Variants in FBXL17 observed in about 807,000 individuals in gnomAD.
FBXL17 encodes the protein F-box/LRR-repeat protein 17.
A neutral mutation model predicts 66.2 loss-of-function variants in FBXL17; 22 were observed. That is an observed-to-expected ratio of 0.33 (90% CI 0.24 to 0.47). The LOEUF (loss-of-function observed/expected upper bound fraction) is 0.47, where lower values mean the gene tolerates loss of function less well. Among genes scored for constraint, FBXL17 ranks in the 20% least tolerant of loss-of-function variants. The pLI, the probability that FBXL17 is intolerant of heterozygous loss-of-function variation, is 1.00. For missense variants in FBXL17, 878 were observed against 948.2 expected (o/e 0.93, Z 0.97); for synonymous variants, 474 against 400.5 (o/e 1.18, Z -2.19).
chr5:108,110,132 A>G (rs1431607331), intron 6 of FBXL17, among the ~76,000 whole-genome samples: 2 of 152,066 alleles, frequency 1.3e-5, no homozygotes, highest in African/African-American at 4.8e-5. Context: ...TGGCCAGCCA[A>G]GCAAAACTCT....
chr5:107,920,119 C>A (rs1489651714), intron 7 of FBXL17, among the ~76,000 whole-genome samples: 2 of 152,156 alleles, frequency 1.3e-5, no homozygotes, highest in African/African-American at 4.8e-5. Context: ...ATTTCAAATG[C>A]CATATTAGTA....
chr5:108,100,204 A>T (rs1167164833), intron 6 of FBXL17, among the ~76,000 whole-genome samples: 1 of 152,296 alleles, frequency 6.6e-6, no homozygotes, highest in Non-Finnish European at 1.5e-5. Context: ...TAAAGATTCT[A>T]AAGTACCTTA....
chr5:107,891,658 A>T (rs779697659), intron 7 of FBXL17, among the ~76,000 whole-genome samples: 2 of 152,064 alleles, frequency 1.3e-5, no homozygotes, highest in Non-Finnish European at 2.9e-5. Flanking sequence ...AGAAAAAAAA[A>T]TTTTCTTGGC....
intron 5 of FBXL17, among the ~76,000 whole-genome samples, chr5:108,201,982 C>A (rs1263790007): frequency 6.6e-6 from 1 of 151,670 alleles, no homozygotes; most frequent in African/African-American, 2.4e-5. Flanking sequence ...TCAACAAAAA[C>A]CACAATTTAC....
At chr5:107,966,467 G>A (rs1382302361) in intron 7 of FBXL17, among the ~76,000 whole-genome samples, 1 of 152,100 alleles carries the variant, frequency 6.6e-6, no homozygotes, top group Non-Finnish European at 1.5e-5. Flanking sequence ...CGAGGAAGGA[G>A]AGATCAGGAG....
chr5:107,907,742 A>G (rs1298189646), intron 7 of FBXL17, among the ~76,000 whole-genome samples: 7 of 152,132 alleles, frequency 4.6e-5, no homozygotes, highest in Admixed American at 2.0e-4. Flanking sequence ...AAACCACAAT[A>G]AGATACCATC....
At chr5:108,299,495 A>C (rs1359527307) in intron 4 of FBXL17, 1 of 935,842 alleles carries the variant, frequency 1.1e-6, no homozygotes, top group Non-Finnish European at 1.3e-6. Flanking sequence ...TTATTGAATA[A>C]GGAAAGAAAA....
chr5:108,364,658 C>T (rs865784316), intron 3 of FBXL17, 80 bp downstream of exon 3: 30 of 1,136,612 alleles, frequency 2.6e-5, no homozygotes, highest in Middle Eastern at 2.2e-4. Context: ...CTATTTTTAA[C>T]GTAACCATTT....
chr5:107,953,084 C>T (rs1751548120), intron 7 of FBXL17, among the ~76,000 whole-genome samples: 1 of 106,946 alleles, frequency 9.4e-6, no homozygotes. Flanking sequence ...AATTTCAAGA[C>T]TCTTGTTTCA....
At chr5:108,360,467 TGAG>T (rs1748272916) in intron 3 of FBXL17, among the ~76,000 whole-genome samples, 1 of 152,124 alleles carries the variant, frequency 6.6e-6, no homozygotes, top group Non-Finnish European at 1.5e-5. Context: ...TAAATCTTAT[TGAG>T]GAGTGCTTGT....
intron 7 of FBXL17, among the ~76,000 whole-genome samples, chr5:107,958,120 C>T (rs1228395939): frequency 6.9e-6 from 1 of 145,474 alleles, no homozygotes; most frequent in Non-Finnish European, 1.5e-5. Context: ...AACTTTGGTA[C>T]ACAGAAATGG....
intron 4 of FBXL17, among the ~76,000 whole-genome samples, chr5:108,326,101 C>T (rs1315279076): frequency 3.3e-5 from 5 of 152,094 alleles, no homozygotes; most frequent in African/African-American, 1.2e-4. Context: ...AGATTTTAGA[C>T]AAGACCCAAA....
intron 8 of FBXL17, among the ~76,000 whole-genome samples, chr5:107,869,164 G>A (rs1748372758): frequency 1.3e-5 from 2 of 152,240 alleles, no homozygotes; most frequent in East Asian, 1.9e-4. Context: ...AGACTCCCTG[G>A]GCAATGTCAA....
chr5:107,880,087 GAC>G (rs1024178363), intron 8 of FBXL17: 1 of 245,396 alleles, frequency 4.1e-6, no homozygotes, highest in African/African-American at 2.3e-5. Flanking sequence ...GTTTGTTTGG[GAC>G]ACAGTCGTGC....
Position 108,364,909 on chromosome 5 carries a change from A to G in FBXL17, c.1203T>C (p.Asp401=). ...INISDCRSMS[D]NGVCVLAFKC... is the part of the protein sequence containing the mutation. ...TAAATGCTAAAACACATACGCCATT[A>G]TCAGACATACTGCGACAATCAGAAA... Residue 401 remains aspartate (D), a synonymous_variant, in exon 3 of 9, where the codon GAT becomes GAC. Coordinates refer to ENST00000542267, the MANE Select transcript of FBXL17 (RefSeq NM_001163315.3). 2 of 1,612,982 alleles carry G rather than the reference A, an allele frequency of 1.2e-6. No individual in the cohort carries two copies. The highest frequency in any genetic ancestry group is 1.7e-6 in the Non-Finnish European group (2 of 1,179,164).
At chr5:108,205,266 T>A (rs1394656070) in intron 5 of FBXL17, among the ~76,000 whole-genome samples, 2 of 151,378 alleles carry the variant, frequency 1.3e-5, no homozygotes, top group Non-Finnish European at 2.9e-5. Flanking sequence ...TTTATCTTTT[T>A]CTTGTTTTTA....
intron 7 of FBXL17, among the ~76,000 whole-genome samples, chr5:107,951,448 T>C (rs1751494584): frequency 6.6e-6 from 1 of 152,236 alleles, no homozygotes; most frequent in Non-Finnish European, 1.5e-5. Flanking sequence ...GCTTAGCTGA[T>C]GGCACTTGAT....
At chr5:108,296,655 C>A (rs1758361100) in intron 4 of FBXL17, among the ~76,000 whole-genome samples, 2 of 151,698 alleles carry the variant, frequency 1.3e-5, no homozygotes, top group Admixed American at 1.3e-4. Flanking sequence ...TCTTAAAGAA[C>A]ACACATTTTT....
rs190511620 is a variant in FBXL17 at position 108,238,318 on chromosome 5, C to A, written c.1507-14090G>T. Among the ~76,000 whole-genome samples the A allele has an allele frequency of 3.0e-4, 45 of 152,238 alleles. No individual in the cohort carries two copies. The South Asian group carries it at 7.5e-3, about 25-fold the overall frequency. On this transcript the variant is annotated intron_variant, in intron 4 of 8. Transcript: ENST00000542267. ...AAGTACTTTTCTTTTAAACCACAGT[C>A]AAGACAACAATATTTACTGAGTTCG...
Sources: allele counts gnomAD v4.1 joint callset (sites outside exome capture counted in the v4.1 genomes callset), GRCh38; gene constraint gnomAD v4.1.1; transcripts MANE v1.5; gene names NCBI Gene and HGNC (gene_info 2026-07-23, HGNC 2026-07-21).